PALLD: variants seen among roughly 807,000 people sequenced by gnomAD.
PALLD encodes the protein palladin, cytoskeletal associated protein, also known as palladin.
PALLD carries 61 observed loss-of-function variants against 123.5 expected under a neutral mutation model. The ratio of observed to expected loss-of-function variants is 0.49; its 90% confidence interval spans 0.40 to 0.61. The LOEUF is 0.61. PALLD is among the 20% of genes least tolerant of loss of function. The pLI is 0.00. For synonymous variants in PALLD, 465 were observed against 496.4 expected (o/e 0.94, Z 0.84); for missense variants, 1,273 against 1,377.0 (o/e 0.92, Z 1.20).
At chr4:168,753,558 C>T (rs1319386231) in intron 10 of PALLD, among the ~76,000 whole-genome samples, 1 of 152,132 alleles carries the variant, frequency 6.6e-6, no homozygotes, top group Non-Finnish European at 1.5e-5. Flanking sequence ...CAGAGTTGGT[C>T]TGTGTAACTC....
At chr4:168,831,113 A>G (rs1175024262) in intron 10 of PALLD, among the ~76,000 whole-genome samples, 2 of 152,230 alleles carry the variant, frequency 1.3e-5, no homozygotes, top group Admixed American at 6.5e-5. Flanking sequence ...TGGTGTGCCA[A>G]CCCAGCTACT....
chr4:168,642,502 A>C (rs766791254), intron 2 of PALLD, among the ~76,000 whole-genome samples: 2 of 152,102 alleles, frequency 1.3e-5, no homozygotes, highest in Non-Finnish European at 2.9e-5. Context: ...CCTGGGTTCA[A>C]GCGATCCTCC....
chr4:168,571,998 G>A (rs10018030), intron 2 of PALLD, among the ~76,000 whole-genome samples: 3,922 of 152,190 alleles, frequency 0.026, 165 homozygotes, highest in African/African-American at 0.088. Context: ...AGGCCGAGGC[G>A]GATGAATCTA....
chr4:168,696,023 T>C (rs990195270), intron 8 of PALLD, among the ~76,000 whole-genome samples: 6 of 148,708 alleles, frequency 4.0e-5, no homozygotes, highest in Non-Finnish European at 5.9e-5. Context: ...CTAACACTAA[T>C]CATAGCTTTT....
intron 2 of PALLD, among the ~76,000 whole-genome samples, chr4:168,558,208 T>A (rs1417337754): frequency 2.0e-5 from 3 of 152,102 alleles, no homozygotes; most frequent in African/African-American, 7.2e-5. Context: ...TGTTTACTCA[T>A]CCCCCAGCTC....
intron 10 of PALLD, among the ~76,000 whole-genome samples, chr4:168,856,530 T>C (rs919804214): frequency 6.6e-6 from 1 of 152,212 alleles, no homozygotes; most frequent in African/African-American, 2.4e-5. Context: ...GTTGTAGTAA[T>C]AGCCATTCTG....
At chr4:168,646,479 C>G (rs1332743220) in intron 2 of PALLD, among the ~76,000 whole-genome samples, 1 of 152,178 alleles carries the variant, frequency 6.6e-6, no homozygotes, top group Non-Finnish European at 1.5e-5. Flanking sequence ...GTCCATCAGT[C>G]TCTACTTACA....
At chr4:168,776,475 A>T (rs1581414280) in intron 10 of PALLD, among the ~76,000 whole-genome samples, 1 of 152,316 alleles carries the variant, frequency 6.6e-6, no homozygotes, top group East Asian at 1.9e-4. Flanking sequence ...CCTCCTTTCC[A>T]AACTAGATGC....
rs11339394 is a variant in PALLD, at chr4:168,547,566, C to CAAA, written c.908+35173_908+35175dup. ...GTGAAACATTATCTCTAATAAAATACAAAAAAAAAAAAAAAAAAAAAGCCA... is the reference window on the plus strand; with the variant it reads ...GTGAAACATTATCTCTAATAAAATACAAAAAAAAAAAAAAAAAAAAAAAAGCCA... On this transcript the variant is annotated intron_variant, in intron 2 of 21. Coordinates refer to ENST00000505667, the MANE Select transcript of PALLD (RefSeq NM_001166108.2). Among the ~76,000 whole-genome samples, 61 of 70,916 alleles carry CAAA rather than the reference C, an allele frequency of 8.6e-4. 1 individual carries two copies. The highest frequency in any genetic ancestry group is 1.0e-3 in the Non-Finnish European group (41 of 39,114). 46.5% of individuals were successfully genotyped at this position (70,916 alleles called of 152,430 possible).
chr4:168,513,933 C>T (rs941582260), intron 2 of PALLD, among the ~76,000 whole-genome samples: 4 of 151,934 alleles, frequency 2.6e-5, no homozygotes, highest in African/African-American at 9.7e-5. Context: ...GGTGAAACCC[C>T]CTCTCTACTA....
chr4:168,928,176 T>C lies in PALLD; in HGVS notation c.*1996T>C, dbSNP rs1440501686. 2 of 188,034 alleles carry C rather than the reference T, an allele frequency of 1.1e-5. No homozygotes were observed. The highest frequency in any genetic ancestry group is 2.0e-4 in the South Asian group (1 of 5,118). The allele number at this position is 188,034 out of a possible 1,614,324, so 11.6% of individuals were successfully genotyped here. On this transcript the variant is annotated 3_prime_UTR_variant, in exon 22 of 22. Transcript: ENST00000505667. ...TGCATTGCTAATATGGAATTTAAGA[T>C]ACCATACACAGTCTCTCATGGACCT...
At chr4:168,838,895 G>A (rs1291840137) in intron 10 of PALLD, among the ~76,000 whole-genome samples, 1 of 152,038 alleles carries the variant, frequency 6.6e-6, no homozygotes, top group African/African-American at 2.4e-5. Flanking sequence ...AGCAATTACT[G>A]TTAATTATTT....
intron 15 of PALLD, among the ~76,000 whole-genome samples, chr4:168,906,387 G>A (rs1757801568): frequency 6.6e-6 from 1 of 152,132 alleles, no homozygotes; most frequent in Non-Finnish European, 1.5e-5. Flanking sequence ...CAGTGAGGAA[G>A]GACTGACTCA....
At chr4:168,648,086 T>C (rs1777658358) in intron 2 of PALLD, 1 of 152,162 alleles carries the variant, frequency 6.6e-6, no homozygotes, top group Non-Finnish European at 1.5e-5. Context: ...AACTCCCCCC[T>C]GACTCCTGGT....
intron 14 of PALLD, among the ~76,000 whole-genome samples, chr4:168,900,470 G>A (rs1274423886): frequency 2.6e-5 from 4 of 152,088 alleles, no homozygotes; most frequent in Admixed American, 6.5e-5. Flanking sequence ...AATAAGCATA[G>A]AGCAATGTAC....
intron 10 of PALLD, among the ~76,000 whole-genome samples, chr4:168,753,487 G>T (rs1731347087): frequency 1.3e-5 from 2 of 151,952 alleles, no homozygotes; most frequent in Non-Finnish European, 2.9e-5. Flanking sequence ...ATTCAAGATG[G>T]CCCCATGAAT....
rs1784473836 is a variant in PALLD, at chr4:168,709,019, C to T, written c.1502-9C>T. 12 of 1,613,042 alleles carry T rather than the reference C, an allele frequency of 7.4e-6. No individual in the cohort carries two copies. Among genetic ancestry groups the T allele is most frequent in the Non-Finnish European group, 8.5e-6 (10 of 1,179,238 alleles). On this transcript the variant is annotated splice_polypyrimidine_tract_variant and intron_variant, in intron 8 of 21. Transcript: ENST00000505667. ...CTCTGATGAATGATTCTGTTCTCTTCACTTCCAGAGGAGATTTGCACCCTA... is the reference window on the plus strand; with the variant it reads ...CTCTGATGAATGATTCTGTTCTCTTTACTTCCAGAGGAGATTTGCACCCTA...
intron 8 of PALLD, among the ~76,000 whole-genome samples, chr4:168,708,513 C>G (rs1784429227): frequency 1.3e-5 from 2 of 152,208 alleles, no homozygotes; most frequent in African/African-American, 4.8e-5. Flanking sequence ...TGCCATGCCA[C>G]TTAACAGTAC....
intron 10 of PALLD, among the ~76,000 whole-genome samples, chr4:168,813,234 A>C (rs770961202): frequency 4.1e-4 from 63 of 152,192 alleles, no homozygotes; most frequent in Non-Finnish European, 7.5e-4. Context: ...GGAGGAGATT[A>C]TATGATGAAA....
Sources: gnomAD v4.1 joint callset for allele counts (sites outside exome capture counted in the v4.1 genomes callset) on GRCh38, gnomAD v4.1.1 for gene constraint, MANE v1.5 for transcripts, NCBI Gene and HGNC (gene_info 2026-07-23, HGNC 2026-07-21) for gene names.